The following DMD variants were observed in gnomAD, a reference collection of about 807,000 sequenced individuals.
The protein encoded by DMD is mutant dystrophin.
DMD carries 63 observed loss-of-function variants against 330.1 expected under a neutral mutation model. That is an observed-to-expected ratio of 0.19 (90% confidence interval 0.16 to 0.24). The LOEUF is 0.24. DMD is among the 10% of genes least tolerant of loss of function. DMD has a pLI of 1.00. For missense variants in DMD, 3,344 were observed against 2,684.1 expected, an observed-to-expected ratio of 1.25 and a Z score of -5.43; for synonymous variants, 1,223 against 959.8, an observed-to-expected ratio of 1.27 and a Z score of -5.07.
chrX:31,590,426 C>T (rs1468689463), intron 55 of DMD, among the ~76,000 whole-genome samples: 1 of 111,458 alleles, frequency 9.0e-6, no homozygotes, highest in Admixed American at 9.6e-5. Context: ...ACGACATCAC[C>T]CACAAGACAT....
chrX:32,654,320 G>T (rs368012537), intron 9 of DMD, among the ~76,000 whole-genome samples: 9 of 111,502 alleles, frequency 8.1e-5, no homozygotes, highest in Non-Finnish European at 1.5e-4. Flanking sequence ...TTTAAGATAC[G>T]TCCCATCAAT....
chrX:33,169,792 T>C (rs929693590), intron 1 of DMD, among the ~76,000 whole-genome samples: 1 of 110,687 alleles, frequency 9.0e-6, no homozygotes, highest in Non-Finnish European at 1.9e-5. Context: ...GTCACCTGAG[T>C]AGGGTATATT....
chrX:32,703,734 A>G (rs1005650320), intron 7 of DMD, among the ~76,000 whole-genome samples: 4 of 111,840 alleles, frequency 3.6e-5, no homozygotes, highest in African/African-American at 1.3e-4. Flanking sequence ...TTAAAGTCAT[A>G]GAAATTGATG....
intron 74 of DMD, among the ~76,000 whole-genome samples, chrX:31,154,469 T>C (rs1285933844): frequency 1.9e-5 from 2 of 106,997 alleles, no homozygotes; most frequent in Non-Finnish European, 3.9e-5. Flanking sequence ...TTTTTTTTTG[T>C]ATTTTTAGTA....
intron 44 of DMD, among the ~76,000 whole-genome samples, chrX:32,065,810 C>A (rs1250041788): frequency 9.0e-6 from 1 of 111,730 alleles, no homozygotes; most frequent in East Asian, 2.8e-4. Context: ...ATATTTTAAT[C>A]TTGAATTAAA....
intron 1 of DMD, among the ~76,000 whole-genome samples, chrX:33,105,236 T>C (rs1402266555): frequency 3.6e-5 from 4 of 111,454 alleles, no homozygotes; most frequent in African/African-American, 1.3e-4. Flanking sequence ...TGTGGAAGAA[T>C]GAAACTGGAT....
chrX:31,317,668 C>G (rs62588887), intron 62 of DMD, among the ~76,000 whole-genome samples: 1 of 109,680 alleles, frequency 9.1e-6, no homozygotes, highest in South Asian at 4.0e-4. Flanking sequence ...CCCGCCACCA[C>G]GCCCAGCTAA....
intron 9 of DMD, among the ~76,000 whole-genome samples, chrX:32,694,578 G>A (rs2063507562): frequency 1.8e-5 from 2 of 112,220 alleles, no homozygotes; most frequent in African/African-American, 3.2e-5. Context: ...TCTGCTACCA[G>A]ATATGCTATG....
intron 5 of DMD, among the ~76,000 whole-genome samples, chrX:32,819,025 TTC>T (rs1491134588): frequency 1.2e-3 from 121 of 104,887 alleles, no homozygotes; most frequent in African/African-American, 4.0e-3. Context: ...TTTTTTTTTT[TTC>T]CAGGGCATGG....
intron 18 of DMD, among the ~76,000 whole-genome samples, chrX:32,512,462 A>T (rs1474623552): frequency 2.7e-5 from 3 of 112,477 alleles, no homozygotes; most frequent in Non-Finnish European, 5.6e-5. Flanking sequence ...ACTGAAAAAA[A>T]TCACATATCC....
chrX:32,997,738 A>C (rs1421754088), intron 2 of DMD, among the ~76,000 whole-genome samples: 1 of 112,015 alleles, frequency 8.9e-6, no homozygotes, highest in African/African-American at 3.2e-5. Flanking sequence ...CTCTATCAGA[A>C]AGGACAAAGT....
chrX:31,386,509 ATC>A (rs2060454231), intron 60 of DMD, among the ~76,000 whole-genome samples: 2 of 111,836 alleles, frequency 1.8e-5, no homozygotes, highest in African/African-American at 6.5e-5. Flanking sequence ...GTATTATGTA[ATC>A]ATAGCACTTT....
chrX:32,792,973 T>C (rs1005658339), intron 7 of DMD, among the ~76,000 whole-genome samples: 2 of 112,289 alleles, frequency 1.8e-5, no homozygotes, highest in African/African-American at 3.2e-5. Flanking sequence ...CAGACACTTA[T>C]AGGACAATTC....
chrX:31,333,176 T>C (rs2057229004), intron 61 of DMD, among the ~76,000 whole-genome samples: 1 of 112,164 alleles, frequency 8.9e-6, no homozygotes, highest in South Asian at 3.7e-4. Context: ...TTATATACTA[T>C]ATTAGTATTG....
chrX:31,786,569 T>C (rs2091310796), intron 50 of DMD, among the ~76,000 whole-genome samples: 1 of 111,539 alleles, frequency 9.0e-6, no homozygotes, highest in Admixed American at 9.6e-5. Flanking sequence ...AATATGCCAG[T>C]GCCTCTCTGT....
At chrX:31,746,114 T>C (rs899630886) in intron 51 of DMD, among the ~76,000 whole-genome samples, 4 of 112,364 alleles carry the variant, frequency 3.6e-5, no homozygotes, top group African/African-American at 1.3e-4. Context: ...TTCAACCTTT[T>C]CACGTTTTAA....
At chrX:31,132,496 G>T (rs949975273) in intron 77 of DMD, among the ~76,000 whole-genome samples, 1 of 111,549 alleles carries the variant, frequency 9.0e-6, no homozygotes, top group African/African-American at 3.3e-5. Flanking sequence ...TTGTTTAGAT[G>T]TGGAAGAAAT....
At chrX:31,462,625 A>C (rs929481714) in intron 59 of DMD, among the ~76,000 whole-genome samples, 4 of 111,840 alleles carry the variant, frequency 3.6e-5, no homozygotes, top group East Asian at 5.6e-4. Context: ...CCTAACTCCA[A>C]TACAGGCTTC....
rs759557147 is a variant in DMD, at chrX:32,881,095, C to CA, written c.94-31276dup. Among the ~76,000 whole-genome samples, 258 of 112,389 alleles carry CA rather than the reference C, an allele frequency of 2.3e-3. 2 individuals carry two copies. The highest frequency in any genetic ancestry group is 9.3e-3 in the Middle Eastern group (2 of 216). ...AAGCAGAAACCACGAAGGCAGCTGG[C>CA]AAAAAATACCAGAGTAAGTACAGCT... On this transcript the variant is annotated intron_variant, in intron 2 of 78. Coordinates refer to ENST00000357033, the MANE Select transcript of DMD (RefSeq NM_004006.3).
Sources: gnomAD v4.1 joint callset for allele counts (sites outside exome capture counted in the v4.1 genomes callset) on GRCh38, gnomAD v4.1.1 for gene constraint, MANE v1.5 for transcripts, NCBI Gene and HGNC (gene_info 2026-07-23, HGNC 2026-07-21) for gene names.